The following PCDH15 variants were observed in gnomAD, a reference collection of about 807,000 sequenced individuals.
The protein encoded by PCDH15 is protocadherin-15.
In PCDH15, 129 loss-of-function variants were observed where a neutral mutation model predicts 178.5. The observed-to-expected ratio is 0.72, with a 90% CI of 0.63 to 0.84. The LOEUF (loss-of-function observed/expected upper bound fraction) is 0.84, where lower values mean the gene tolerates loss of function less well. Among genes scored for constraint, PCDH15 ranks in the 40% least tolerant of loss-of-function variants. PCDH15 has a pLI of 0.00. For synonymous variants in PCDH15, 800 were observed against 732.0 expected (o/e 1.09, Z -1.50); for missense variants, 2,230 against 2,099.9 (o/e 1.06, Z -1.21).
chr10:55,178,959 T>A (rs192773936), intron 1 of PCDH15, among the ~76,000 whole-genome samples: 1 of 152,158 alleles, frequency 6.6e-6, no homozygotes. Flanking sequence ...GGCCACAACA[T>A]TGTTTTCAGA....
chr10:54,652,596 T>C (rs2094287417), intron 2 of PCDH15, among the ~76,000 whole-genome samples: 1 of 152,108 alleles, frequency 6.6e-6, no homozygotes, highest in South Asian at 2.1e-4. Flanking sequence ...GAAGAGATAA[T>C]TAAGTTAAAA....
At chr10:54,391,372 A>C (rs1441204389) in intron 3 of PCDH15, among the ~76,000 whole-genome samples, 2 of 52,004 alleles carry the variant, frequency 3.8e-5, no homozygotes, top group Non-Finnish European at 4.5e-5. Flanking sequence ...CAAGAATCTC[A>C]TTTTGAGTTA....
chr10:54,330,509 G>A (rs2133898627), intron 6 of PCDH15, among the ~76,000 whole-genome samples: 1 of 151,972 alleles, frequency 6.6e-6, no homozygotes, highest in South Asian at 2.1e-4. Flanking sequence ...TGACCAAAAT[G>A]TCATTATGCA....
In PCDH15 at chr10:55,101,846, T is replaced by C. The variant is rs557200133; in HGVS notation, c.-80+64730A>G. On this transcript the variant is annotated intron_variant, in intron 2 of 5. Transcript: ENST00000458638. The stretch of plus-strand genomic sequence containing the variant: ...AAACTAAGTGCATTTTCATCATCTT[T>C]GAAGTAGATCTATATTTTTCTTACA... Among the ~76,000 whole-genome samples the C allele has an allele frequency of 3.3e-4, 50 of 151,858 alleles. No homozygotes were observed. In the South Asian group the frequency reaches 9.5e-3, roughly 29 times the overall value.
chr10:55,580,556 C>T (rs1842595124), intron 2 of PCDH15, among the ~76,000 whole-genome samples: 1 of 151,708 alleles, frequency 6.6e-6, no homozygotes, highest in Non-Finnish European at 1.5e-5. Flanking sequence ...CGGGGGTTTG[C>T]CATGTTGGCC....
chr10:54,757,818 T>C (rs934622473), intron 1 of PCDH15, among the ~76,000 whole-genome samples: 1 of 152,184 alleles, frequency 6.6e-6, no homozygotes, highest in African/African-American at 2.4e-5. Flanking sequence ...CCTTAATATA[T>C]AGCTGCATGG....
chr10:54,378,664 C>T, intron 4 of PCDH15, 118 bp downstream of exon 4: 1 of 1,140,970 alleles, frequency 8.8e-7, no homozygotes, highest in Non-Finnish European at 1.3e-6. Context: ...ACTGTTGTTG[C>T]TATACTCAGG....
At chr10:54,036,575 G>C (rs1205246120) in intron 18 of PCDH15, among the ~76,000 whole-genome samples, 2 of 151,552 alleles carry the variant, frequency 1.3e-5, no homozygotes, top group Non-Finnish European at 2.9e-5. Flanking sequence ...GAGTCCTACT[G>C]CTCAGGAAAA....
At chr10:53,959,600 A>C in intron 23 of PCDH15, 132 bp downstream of exon 23, 1 of 665,812 alleles carries the variant, frequency 1.5e-6, no homozygotes, top group Non-Finnish European at 2.7e-6. Context: ...ACTATATTTT[A>C]TGTTAATTTA....
intron 1 of PCDH15, among the ~76,000 whole-genome samples, chr10:55,280,817 C>G (rs1213447341): frequency 6.6e-6 from 1 of 152,094 alleles, no homozygotes; most frequent in Non-Finnish European, 1.5e-5. Flanking sequence ...CCTCAATGTT[C>G]TGCTTCAACT....
rs544355322 is a variant in PCDH15, at chr10:55,500,714, A to T, written c.-156+126911T>A. Among the ~76,000 whole-genome samples the T allele has an allele frequency of 7.9e-5, 12 of 151,928 alleles. No individual in the cohort carries two copies. The South Asian group carries it at 1.4e-3, about 18-fold the overall frequency. On this transcript the variant is annotated intron_variant, in intron 2 of 5. Transcript: ENST00000613346. ...GTCTACACTACCTAATATTTCTGACATCTTTGGGCAACCCATGTGAACTTA... is the reference window on the plus strand; with the variant it reads ...GTCTACACTACCTAATATTTCTGACTTCTTTGGGCAACCCATGTGAACTTA...
At chr10:55,029,647 T>G (rs1156631468) in intron 2 of PCDH15, among the ~76,000 whole-genome samples, 2 of 152,102 alleles carry the variant, frequency 1.3e-5, no homozygotes, top group Non-Finnish European at 2.9e-5. Context: ...CCTAATGTGG[T>G]CTTGGTCAAT....
At chr10:54,815,668 G>T (rs1405522912) in intron 3 of PCDH15, among the ~76,000 whole-genome samples, 1 of 151,986 alleles carries the variant, frequency 6.6e-6, no homozygotes, top group Non-Finnish European at 1.5e-5. Context: ...ATACAAAGTG[G>T]CACTAGTGAT....
chr10:54,338,453 AT>A (rs5785067), intron 6 of PCDH15, among the ~76,000 whole-genome samples: 10,679 of 152,152 alleles, frequency 0.07, 487 homozygotes, highest in African/African-American at 0.12. Context: ...CAGGATGGTG[AT>A]TTTTTTAAAA....
At position 54,981,246 on chromosome 10, in the gene PCDH15, G is replaced by A. The variant is rs556780071; in HGVS notation, c.-79-83746C>T. Among the ~76,000 whole-genome samples the A allele has an allele frequency of 3.9e-5, 6 of 152,076 alleles. No individual in the cohort carries two copies. The South Asian group carries it at 8.3e-4, about 21-fold the overall frequency. On this transcript the variant is annotated intron_variant, in intron 2 of 5. Coordinates refer to the PCDH15 transcript ENST00000458638. ...ATCTCCAGCTTCCTCCCCTTCTCTC[G>A]TCAATGTAAACCCCATGGATGTGTT...
At chr10:54,673,045 A>C (rs2094705291) in intron 1 of PCDH15, among the ~76,000 whole-genome samples, 1 of 152,134 alleles carries the variant, frequency 6.6e-6, no homozygotes. Context: ...GCATTTAAAC[A>C]ATGTAAAATT....
rs2092449003 is a variant in PCDH15, at chr10:54,599,994, A to G, written c.91+64178T>C. ...AAAAAGCCAAGTCTACTGTGCCAAA[A>G]TCACCAAAGGAAGAGGCAAAGTCAA... On this transcript the variant is annotated intron_variant, in intron 2 of 37. Coordinates refer to ENST00000644397, the MANE Select transcript of PCDH15 (RefSeq NM_001384140.1). 4.5e-6 allele frequency: 6 copies of G among 1,331,542 alleles called. No individual in the cohort carries two copies. The South Asian group carries it at 7.5e-5, about 17-fold the overall frequency. 82.5% of individuals were successfully genotyped at this position (1,331,542 alleles called of 1,614,324 possible).
At chr10:55,540,814 G>A (rs1841743094) in intron 2 of PCDH15, among the ~76,000 whole-genome samples, 1 of 151,976 alleles carries the variant, frequency 6.6e-6, no homozygotes, top group Non-Finnish European at 1.5e-5. Context: ...CTCTTAATAA[G>A]TAATGGAGAA....
At chr10:53,833,674 A>G (rs2077141287) in intron 29 of PCDH15, among the ~76,000 whole-genome samples, 1 of 152,080 alleles carries the variant, frequency 6.6e-6, no homozygotes, top group East Asian at 1.9e-4. Context: ...TTTGCCTGTA[A>G]TATAATAAAC....
Sources: allele counts gnomAD v4.1 joint callset (sites outside exome capture counted in the v4.1 genomes callset), GRCh38; gene constraint gnomAD v4.1.1; transcripts MANE v1.5; gene names NCBI Gene and HGNC (gene_info 2026-07-23, HGNC 2026-07-21).